C8orf89: variants seen among roughly 807,000 people sequenced by gnomAD.
The protein encoded by C8orf89 is chromosome 8 open reading frame 89, also known as putative uncharacterized protein C8orf89.
In C8orf89, 14 loss-of-function variants were observed where a neutral mutation model predicts 15.8. That is an observed-to-expected ratio of 0.89 (90% CI 0.59 to 1.39). The LOEUF is 1.39. C8orf89 is among the 40% of genes most tolerant of loss of function. The probability of loss-of-function intolerance (pLI) is 0.00; values close to 1 mark genes in which losing one functional copy is unlikely to be tolerated. For synonymous variants in C8orf89, 55 were observed against 62.2 expected (o/e 0.88, Z 0.54); for missense variants, 181 against 184.5 (o/e 0.98, Z 0.11).
At position 73,254,049 on chromosome 8, in the gene C8orf89, C is replaced by G. The variant is rs368290862; in HGVS notation, c.281+2924G>C. Among the ~76,000 whole-genome samples, 21 of 152,212 alleles carry G rather than the reference C, an allele frequency of 1.4e-4. 1 individual carries two copies. In the East Asian group the frequency reaches 2.1e-3, roughly 15 times the overall value. The stretch of plus-strand genomic sequence containing the variant: ...AATGCTTCCAGTTTTTGCCCATTCA[C>G]TATGATATTGGCTGTGGGTTTGTCA... On this transcript the variant is annotated intron_variant, in intron 2 of 3. Transcript: ENST00000624510.
the C8orf89 span, among the ~76,000 whole-genome samples, chr8:73,270,786 A>G: frequency 5.3e-5 from 8 of 152,176 alleles, no homozygotes; most frequent in Non-Finnish European, 1.0e-4. Flanking sequence ...TATTAACAAA[A>G]TAAGCAGCAT....
the C8orf89 span, among the ~76,000 whole-genome samples, chr8:73,275,231 C>CTTTTTTTT: frequency 1.3e-4 from 11 of 84,746 alleles, no homozygotes; most frequent in African/African-American, 3.0e-4. Context: ...TGTAATAGTT[C>CTTTTTTTT]TTTTTTTTTT....
rs185269669 is a variant in C8orf89 at position 73,257,042 on chromosome 8, C to T, written c.212G>A (p.Ser71Asn). The T allele has an allele frequency of 7.6e-5, 117 of 1,535,850 alleles. No homozygotes were observed. In the African/African-American group the frequency reaches 1.5e-3, roughly 19 times the overall value. Residue 71 changes from serine (S) to asparagine (N), a missense_variant, in exon 2 of 4, where the codon AGT (serine) becomes AAT (asparagine). Physicochemically the swap from Ser to Asn is conservative, Grantham distance 46. Transcript: ENST00000624510. ...AACCTCTAGTGGAGTTGAACTTACA[C>T]TTTTTTGGCAACTTTGCAGTCCTGG... ...YLPGLQSCQK[S>N]VSSTPLEVPK...
upstream of C8orf89, among the ~76,000 whole-genome samples, chr8:73,259,761 T>C (rs1813488695): frequency 6.6e-6 from 1 of 152,198 alleles, no homozygotes; most frequent in African/African-American, 2.4e-5. Flanking sequence ...ACAAATTTTA[T>C]GCTCCATGGA....
chr8:73,282,296 G>A, the C8orf89 span, among the ~76,000 whole-genome samples: 34 of 152,318 alleles, frequency 2.2e-4, no homozygotes, highest in East Asian at 1.7e-3. Flanking sequence ...ATACAAAGCG[G>A]TGTGTATAAA....
the C8orf89 span, among the ~76,000 whole-genome samples, chr8:73,270,585 G>A: frequency 6.6e-6 from 1 of 152,130 alleles, no homozygotes; most frequent in African/African-American, 2.4e-5. Context: ...AACTAAAGAA[G>A]AAATATTAAA....
At chr8:73,272,555 T>C in the C8orf89 span, among the ~76,000 whole-genome samples, 1 of 152,096 alleles carries the variant, frequency 6.6e-6, no homozygotes, top group Admixed American at 6.5e-5. Flanking sequence ...GCTGCACCCA[T>C]TAACTCGTCA....
chr8:73,264,832 C>G, the C8orf89 span, among the ~76,000 whole-genome samples: 2 of 152,130 alleles, frequency 1.3e-5, no homozygotes, highest in Non-Finnish European at 2.9e-5. Context: ...ACCAGAGTAG[C>G]CACAGATATC....
intron 2 of C8orf89, among the ~76,000 whole-genome samples, chr8:73,256,271 T>A (rs1285842975): frequency 6.6e-6 from 1 of 152,104 alleles, no homozygotes; most frequent in Non-Finnish European, 1.5e-5. Context: ...AGAATCTTCC[T>A]TCACATTACT....
intron 3 of C8orf89, among the ~76,000 whole-genome samples, chr8:73,249,830 A>C (rs906577035): frequency 6.6e-6 from 1 of 152,218 alleles, no homozygotes; most frequent in Non-Finnish European, 1.5e-5. Flanking sequence ...CAATTAGAAG[A>C]TAAAGCTAGA....
upstream of C8orf89, among the ~76,000 whole-genome samples, chr8:73,261,827 G>A (rs1813535558): frequency 6.6e-6 from 1 of 152,122 alleles, no homozygotes; most frequent in African/African-American, 2.4e-5. Flanking sequence ...TGTTTTGGCA[G>A]CTCCAACCTG....
chr8:73,263,012 AAC>A (rs147171125), upstream of C8orf89, among the ~76,000 whole-genome samples: 26 of 151,928 alleles, frequency 1.7e-4, no homozygotes, highest in East Asian at 7.7e-4. Context: ...GGCTATTTAA[AAC>A]ACACACACAC....
At chr8:73,284,969 C>T in the C8orf89 span, among the ~76,000 whole-genome samples, 1 of 152,186 alleles carries the variant, frequency 6.6e-6, no homozygotes, top group Non-Finnish European at 1.5e-5. Flanking sequence ...ATGACCAGTA[C>T]AGTAGAAAAG....
chr8:73,252,793 C>T (rs766203753), intron 2 of C8orf89, among the ~76,000 whole-genome samples: 1 of 152,140 alleles, frequency 6.6e-6, no homozygotes, highest in Non-Finnish European at 1.5e-5. Context: ...AAGGGAGGTG[C>T]AACTCAGAAT....
chr8:73,285,790 TGGCCAC>T, the C8orf89 span, among the ~76,000 whole-genome samples: 1 of 152,164 alleles, frequency 6.6e-6, no homozygotes, highest in Admixed American at 6.5e-5. Flanking sequence ...GTCGCAGGGC[TGGCCAC>T]GGCGTCGGGG....
chr8:73,253,613 G>C (rs1290657964), intron 2 of C8orf89, among the ~76,000 whole-genome samples: 1 of 151,506 alleles, frequency 6.6e-6, no homozygotes, highest in African/African-American at 2.4e-5. Context: ...TTATTTCCTT[G>C]AGCAGTGGTT....
the C8orf89 span, among the ~76,000 whole-genome samples, chr8:73,271,330 C>T: frequency 6.6e-6 from 1 of 152,164 alleles, no homozygotes. Context: ...GGGAGTGGAT[C>T]TCTCATGAAT....
the C8orf89 span, among the ~76,000 whole-genome samples, chr8:73,273,927 A>AGAGTCAT: frequency 6.6e-6 from 1 of 151,996 alleles, no homozygotes; most frequent in Admixed American, 6.6e-5. Context: ...TAAAACTACT[A>AGAGTCAT]AATAGAACTA....
the C8orf89 span, among the ~76,000 whole-genome samples, chr8:73,276,790 T>C: frequency 6.8e-6 from 1 of 146,814 alleles, no homozygotes; most frequent in Admixed American, 6.9e-5. Flanking sequence ...ACATTTGTAA[T>C]GAGGCACAGC....
Sources: gnomAD v4.1 joint callset for allele counts (sites outside exome capture counted in the v4.1 genomes callset) on GRCh38, gnomAD v4.1.1 for gene constraint, MANE v1.5 for transcripts, NCBI Gene and HGNC (gene_info 2026-07-23, HGNC 2026-07-21) for gene names.